CNGA3: variants seen among roughly 807,000 people sequenced by gnomAD.
CNGA3 encodes the protein cyclic nucleotide gated channel subunit alpha 3, also known as cyclic nucleotide-gated channel alpha-3.
Under a neutral mutation model 46.6 loss-of-function variants are expected in CNGA3, and 42 were observed. That is an observed-to-expected ratio of 0.90 (90% CI 0.70 to 1.17). The LOEUF (loss-of-function observed/expected upper bound fraction) is 1.17, where lower values mean the gene tolerates loss of function less well. CNGA3 is among the 50% of genes most tolerant of loss of function. CNGA3 has a pLI of 0.00. For synonymous variants in CNGA3, 394 were observed against 369.4 expected (o/e 1.07, Z -0.76); for missense variants, 893 against 890.7 (o/e 1.00, Z -0.03).
Position 98,378,738 on chromosome 2 carries a change from G to A in CNGA3, c.215+938G>A, listed in dbSNP as rs146511738. Among the ~76,000 whole-genome samples the A allele has an allele frequency of 7.0e-3, 1,059 of 152,336 alleles. 9 individuals are homozygous for A. The highest frequency in any genetic ancestry group is 0.018 in the South Asian group (85 of 4,832). ...AGAACACCTTTAAATCAGCTCTGTAGGGCTGATACAGGGTGTGTTGTAAGC... is the reference window on the plus strand; with the variant it reads ...AGAACACCTTTAAATCAGCTCTGTAAGGCTGATACAGGGTGTGTTGTAAGC... On this transcript the variant is annotated intron_variant, in intron 3 of 7. Transcript: ENST00000272602.
chr2:98,376,527 G>C (rs1692409828), intron 2 of CNGA3, among the ~76,000 whole-genome samples: 1 of 152,150 alleles, frequency 6.6e-6, no homozygotes, highest in Non-Finnish European at 1.5e-5. Context: ...AGCCCAGGCA[G>C]ACCGGGGCAT....
At chr2:98,352,967 A>G (rs1046812957) in intron 1 of CNGA3, among the ~76,000 whole-genome samples, 6 of 152,220 alleles carry the variant, frequency 3.9e-5, no homozygotes, top group African/African-American at 1.4e-4. Context: ...AAATCCACAT[A>G]TAACTCTTTT....
At chr2:98,392,724 C>T (rs1337899356) in intron 7 of CNGA3, among the ~76,000 whole-genome samples, 1 of 152,154 alleles carries the variant, frequency 6.6e-6, no homozygotes, top group South Asian at 2.1e-4. Flanking sequence ...CTTGGACAGT[C>T]AGCAGATACA....
chr2:98,397,443 G>A lies in CNGA3; in HGVS notation c.*188G>A. 2 of 655,170 alleles carry A rather than the reference G, an allele frequency of 3.1e-6. No homozygotes were observed. The highest frequency in any genetic ancestry group is 5.3e-6 in the Non-Finnish European group (2 of 374,946). The allele number at this position is 655,170 out of a possible 1,614,324, so 40.6% of individuals were successfully genotyped here. The stretch of plus-strand genomic sequence containing the variant: ...TGGGACTTTTTGTCTCAGTCCCAGT[G>A]AAGTGCCAGGTTTGATTGTGAAGTC... On this transcript the variant is annotated 3_prime_UTR_variant, in exon 8 of 8. Transcript: ENST00000272602.
intron 5 of CNGA3, among the ~76,000 whole-genome samples, chr2:98,387,888 C>T (rs754992900): frequency 2.0e-5 from 3 of 152,124 alleles, no homozygotes; most frequent in Non-Finnish European, 4.4e-5. Flanking sequence ...TCCAAAACTC[C>T]GAGTAACTTT....
At chr2:98,349,707 G>A (rs540967465) in intron 1 of CNGA3, among the ~76,000 whole-genome samples, 1 of 152,292 alleles carries the variant, frequency 6.6e-6, no homozygotes, top group East Asian at 1.9e-4. Flanking sequence ...TTATACACCT[G>A]TCTAGTCTAT....
intron 1 of CNGA3, among the ~76,000 whole-genome samples, chr2:98,353,768 G>A (rs1459131536): frequency 2.0e-5 from 3 of 152,202 alleles, no homozygotes; most frequent in African/African-American, 4.8e-5. Flanking sequence ...GGTACAGGAA[G>A]CATTATGCTG....
chr2:98,346,933 A>C (rs1458607676), intron 1 of CNGA3: 1 of 152,680 alleles, frequency 6.5e-6, no homozygotes, highest in African/African-American at 2.4e-5. Flanking sequence ...GGGGACGGGT[A>C]GGGCTTGCAG....
intron 1 of CNGA3, among the ~76,000 whole-genome samples, chr2:98,364,844 G>A (rs1328310958): frequency 6.6e-6 from 1 of 152,120 alleles, no homozygotes; most frequent in African/African-American, 2.4e-5. Flanking sequence ...TGTCTGAAAA[G>A]GATTTTATTT....
At chr2:98,364,556 G>C (rs1041154039) in intron 1 of CNGA3, among the ~76,000 whole-genome samples, 9 of 152,102 alleles carry the variant, frequency 5.9e-5, no homozygotes, top group African/African-American at 2.2e-4. Context: ...GATGGGTCTT[G>C]ACTCCTTATC....
intron 1 of CNGA3, among the ~76,000 whole-genome samples, chr2:98,362,615 G>A (rs1692060327): frequency 6.6e-6 from 1 of 151,418 alleles, no homozygotes. Flanking sequence ...TGTTCACTCT[G>A]ATGATAGTTT....
intron 4 of CNGA3, among the ~76,000 whole-genome samples, chr2:98,382,276 G>T (rs1234571516): frequency 1.3e-5 from 2 of 152,214 alleles, no homozygotes; most frequent in Non-Finnish European, 2.9e-5. Context: ...TAGTTCTCCT[G>T]TGTGGGCTTG....
Position 98,397,366 on chromosome 2 carries a change from C to T in CNGA3, c.*111C>T. On this transcript the variant is annotated 3_prime_UTR_variant, in exon 8 of 8. Coordinates refer to ENST00000272602, the MANE Select transcript of CNGA3 (RefSeq NM_001298.3). ...AGGGTTGAATTCCAGCTCTACTCAC[C>T]CTTTGAAAGCTGTGTGACTGCCTGA... The T allele has an allele frequency of 3.6e-6, 4 of 1,111,030 alleles. No homozygotes were observed. Among genetic ancestry groups the T allele is most frequent in the Non-Finnish European group, 4.0e-6 (3 of 747,970 alleles). The allele number at this position is 1,111,030 out of a possible 1,614,324, so 68.8% of individuals were successfully genotyped here.
intron 1 of CNGA3, among the ~76,000 whole-genome samples, chr2:98,347,605 C>A (rs1409667893): frequency 1.3e-5 from 2 of 152,234 alleles, no homozygotes; most frequent in South Asian, 2.1e-4. Context: ...CTGGAGCCGG[C>A]GCCCCGGCCT....
chr2:98,375,666 G>C (rs532820984), intron 2 of CNGA3, among the ~76,000 whole-genome samples: 26 of 152,328 alleles, frequency 1.7e-4, no homozygotes, highest in African/African-American at 5.8e-4. Context: ...TGAAAATAAA[G>C]AGCCATGCCT....
chr2:98,356,574 C>A (rs558518917), intron 1 of CNGA3, among the ~76,000 whole-genome samples: 2 of 152,290 alleles, frequency 1.3e-5, no homozygotes, highest in East Asian at 1.9e-4. Flanking sequence ...TCATTCAGAA[C>A]GACTTCCAGT....
At chr2:98,367,516 C>A (rs1692191500) in intron 1 of CNGA3, among the ~76,000 whole-genome samples, 2 of 152,076 alleles carry the variant, frequency 1.3e-5, no homozygotes, top group Admixed American at 1.3e-4. Flanking sequence ...TTCTAGTCAG[C>A]CATCTTGGTC....
intron 5 of CNGA3, among the ~76,000 whole-genome samples, chr2:98,384,547 T>C (rs1198119239): frequency 2.6e-5 from 4 of 152,240 alleles, no homozygotes; most frequent in Admixed American, 2.6e-4. Flanking sequence ...TTTGTTTGCA[T>C]AAATTTGGAC....
rs372760840 is a variant in CNGA3, at chr2:98,377,765, C to T, written c.180C>T (p.Ser60=). ...TGGAGACCAGAGGACTGGCTGACTCCGGGCAGGGCTCCTTCACCGGCCAGG... is the reference window on the plus strand; with the variant it reads ...TGGAGACCAGAGGACTGGCTGACTCTGGGCAGGGCTCCTTCACCGGCCAGG... ...IAMETRGLAD[S]GQGSFTGQGI... The change falls in exon 3 of 8, where the codon TCC becomes TCT. Residue 60 remains serine (S), a synonymous_variant. Coordinates refer to ENST00000272602, the MANE Select transcript of CNGA3 (RefSeq NM_001298.3). 172 of 1,612,546 alleles carry T rather than the reference C, an allele frequency of 1.1e-4. No individual in the cohort carries two copies. The highest frequency in any genetic ancestry group is 6.0e-4 in the African/African-American group (45 of 75,010).
Sources: gnomAD v4.1 joint callset for allele counts (sites outside exome capture counted in the v4.1 genomes callset) on GRCh38, gnomAD v4.1.1 for gene constraint, MANE v1.5 for transcripts, NCBI Gene and HGNC (gene_info 2026-07-23, HGNC 2026-07-21) for gene names.